The following SLC9C2 variants were observed in gnomAD, a reference collection of about 807,000 sequenced individuals.
SLC9C2 encodes the protein sodium/hydrogen exchanger 11.
In SLC9C2, 75 loss-of-function variants were observed where a neutral mutation model predicts 140.2. The observed-to-expected ratio is 0.53, with a 90% confidence interval of 0.44 to 0.65. The LOEUF is 0.65. Ranked by LOEUF, SLC9C2 falls within the 30% of genes least tolerant of loss-of-function variation. The probability of loss-of-function intolerance (pLI) is 0.00; values close to 1 mark genes in which losing one functional copy is unlikely to be tolerated. For missense variants in SLC9C2, 1,074 were observed against 1,331.8 expected (o/e 0.81, Z 3.01); for synonymous variants, 375 against 420.9 (o/e 0.89, Z 1.34).
At chr1:173,538,637 T>G (rs191113273) in intron 13 of SLC9C2, among the ~76,000 whole-genome samples, 1 of 152,058 alleles carries the variant, frequency 6.6e-6, no homozygotes, top group African/African-American at 2.4e-5. Flanking sequence ...AGAGTTTCTC[T>G]TGGAGGAGAT....
At chr1:173,584,882 T>C (rs997122292) in intron 5 of SLC9C2, among the ~76,000 whole-genome samples, 1 of 152,294 alleles carries the variant, frequency 6.6e-6, no homozygotes, top group African/African-American at 2.4e-5. Context: ...CAGTTTCTAT[T>C]GCTACATCTT....
rs149816903 is a variant in SLC9C2 at position 173,538,072 on chromosome 1, C to T, written c.1558-1033G>A. On this transcript the variant is annotated intron_variant, in intron 13 of 27. Coordinates refer to ENST00000367714, the MANE Select transcript of SLC9C2 (RefSeq NM_178527.4). ...ACCACTTATATCTCAAGACAATTCT[C>T]ATTCACTCATTAGCTCCTTTTCCAG... is the stretch of plus-strand genomic sequence containing the variant. Among the ~76,000 whole-genome samples, 48 of 152,318 alleles carry T rather than the reference C, an allele frequency of 3.2e-4. No homozygotes were observed. In the Middle Eastern group the frequency reaches 0.01, roughly 32 times the overall value.
At position 173,526,294 on chromosome 1, in the gene SLC9C2, T is replaced by C. The variant is rs568350551; in HGVS notation, c.2365+369A>G. The stretch of plus-strand genomic sequence containing the variant: ...AAAACAAAACAATGAAACAAAACCA[T>C]TTTGTCAAAGGTAACCTTCACATGT... On this transcript the variant is annotated intron_variant, in intron 19 of 27. Coordinates refer to ENST00000367714, the MANE Select transcript of SLC9C2 (RefSeq NM_178527.4). 4.5e-4 allele frequency among the ~76,000 whole-genome samples: 69 copies of C among 152,316 alleles called. 1 individual carries two copies. Among genetic ancestry groups the C allele is most frequent in the African/African-American group, 1.6e-3 (68 of 41,568 alleles).
chr1:173,508,924 T>G (rs931234179), intron 24 of SLC9C2, among the ~76,000 whole-genome samples: 7 of 152,080 alleles, frequency 4.6e-5, no homozygotes, highest in Non-Finnish European at 7.3e-5. Flanking sequence ...ATCGGCAGAG[T>G]AGGCAATAAT....
chr1:173,504,929 C>G (rs16846029), intron 26 of SLC9C2, among the ~76,000 whole-genome samples: 8,580 of 152,268 alleles, frequency 0.056, 841 homozygotes, highest in African/African-American at 0.2. Flanking sequence ...GTTCCCTCCC[C>G]ATTCTTGCAC....
intron 26 of SLC9C2, 74 bp downstream of exon 26, chr1:173,505,173 A>T: frequency 1.6e-6 from 2 of 1,247,058 alleles, no homozygotes; most frequent in Non-Finnish European, 2.3e-6. Context: ...TCACTTTCTT[A>T]GAGTTAAAGG....
At chr1:173,530,873 G>A (rs956902087) in intron 17 of SLC9C2, among the ~76,000 whole-genome samples, 9 of 152,140 alleles carry the variant, frequency 5.9e-5, no homozygotes, top group African/African-American at 2.2e-4. Flanking sequence ...GCATCATAGT[G>A]AAGGAATTCC....
chr1:173,584,410 T>C (rs1387774939), intron 5 of SLC9C2, among the ~76,000 whole-genome samples: 1 of 152,164 alleles, frequency 6.6e-6, no homozygotes, highest in Non-Finnish European at 1.5e-5. Context: ...TAGAAGACTT[T>C]TAACAATTTT....
At chr1:173,550,432 A>ATTTTT (rs1294841800) in intron 11 of SLC9C2, among the ~76,000 whole-genome samples, 4 of 121,704 alleles carry the variant, frequency 3.3e-5, no homozygotes, top group African/African-American at 1.6e-4. Flanking sequence ...TTATTTATTT[A>ATTTTT]TTTATTTATT....
At position 173,520,649 on chromosome 1, in the gene SLC9C2, A is replaced by T. The variant is rs115410770; in HGVS notation, c.2739+652T>A. 9.5e-3 allele frequency among the ~76,000 whole-genome samples: 1,447 copies of T among 152,312 alleles called. 25 individuals carry two copies. The highest frequency in any genetic ancestry group is 0.033 in the African/African-American group (1,389 of 41,554). On this transcript the variant is annotated intron_variant, in intron 22 of 27. Transcript: ENST00000367714. ...CTTAGAATAGTGCCAGATAGTAAAT[A>T]AGTGTTATATTGTGTTAGTATTCTA...
At chr1:173,532,789 G>A (rs568327670) in intron 17 of SLC9C2, among the ~76,000 whole-genome samples, 5 of 152,122 alleles carry the variant, frequency 3.3e-5, no homozygotes, top group Middle Eastern at 3.2e-3. Flanking sequence ...GTTCATGCCT[G>A]TAATCCCAGC....
At chr1:173,601,624 G>C in intron 2 of SLC9C2, 26 bp downstream of exon 2, 9 of 1,610,622 alleles carry the variant, frequency 5.6e-6, no homozygotes, top group Non-Finnish European at 7.6e-6. Context: ...GCAGAGGAAA[G>C]ATGAGTTTCA....
At chr1:173,522,210 A>G (rs1660877253) in intron 21 of SLC9C2, among the ~76,000 whole-genome samples, 1 of 126,026 alleles carries the variant, frequency 7.9e-6, no homozygotes, top group Admixed American at 8.2e-5. Flanking sequence ...CGACAGAGTG[A>G]GACTCCATCT....
chr1:173,572,207 T>C (rs766002738), intron 9 of SLC9C2, among the ~76,000 whole-genome samples: 6 of 152,182 alleles, frequency 3.9e-5, no homozygotes, highest in Non-Finnish European at 8.8e-5. Context: ...ATGACTAACT[T>C]AAAAACTGTT....
Position 173,529,913 on chromosome 1 carries a change from T to C in SLC9C2, c.2305A>G (p.Ile769Val), listed in dbSNP as rs747422241. 1.2e-6 allele frequency: 2 copies of C among 1,608,038 alleles called. No homozygotes were observed. Among genetic ancestry groups the C allele is most frequent in the Non-Finnish European group, 1.7e-6 (2 of 1,178,566 alleles). The change falls in exon 18 of 28, where the codon ATA (isoleucine) becomes GTA (valine). Residue 769 changes from isoleucine (I) to valine (V), a missense_variant. Coordinates refer to ENST00000367714, the MANE Select transcript of SLC9C2 (RefSeq NM_178527.4). ...CAGTGCTTGTTTCTCACCTGATATA[T>C]TGATTCACAGACAGCTATTTGTTTT... ...LIKQIAVCES[I>V]YQKLCEILET... is the part of the protein sequence containing the mutation.
chr1:173,598,178 C>T, intron 3 of SLC9C2, 146 bp from the exon 4 acceptor site: 1 of 804,940 alleles, frequency 1.2e-6, no homozygotes, highest in South Asian at 1.8e-5. Flanking sequence ...TCCTAAGGGT[C>T]CTGTGGTAGA....
Position 173,524,114 on chromosome 1 carries a change from A to T in SLC9C2, c.2515-20T>A. 6.3e-7 allele frequency: 1 copy of T among 1,593,114 alleles called. No homozygotes were observed. The highest frequency in any genetic ancestry group is 8.5e-7 in the Non-Finnish European group (1 of 1,170,496). ...AAGTACCTAAAAACAAATAATCAAA[A>T]TAATGGGGATCAGATCCTGTAACAG... On this transcript the variant is annotated intron_variant, in intron 20 of 27. Transcript: ENST00000367714.
In SLC9C2 at chr1:173,587,713, G is replaced by A; in HGVS notation, c.475C>T (p.Leu159Phe). The change falls in exon 5 of 28, where the codon CTT becomes TTT. Residue 159 changes from leucine (L) to phenylalanine (F), a missense_variant. Coordinates refer to ENST00000367714, the MANE Select transcript of SLC9C2 (RefSeq NM_178527.4). Reference protein sequence around the residue: ...LQSCLLFSITLGIIDPLRSVN... With the variant: ...LQSCLLFSITFGIIDPLRSVN... ...GAACGAAGAGGATCTATAATGCCAA[G>A]GGTGATGCTAAAGAGTAGGCAAGAT... 1 of 1,613,444 alleles carries A rather than the reference G, an allele frequency of 6.2e-7. No homozygotes were observed. The highest frequency in any genetic ancestry group is 1.1e-5 in the South Asian group (1 of 91,020).
intron 23 of SLC9C2, among the ~76,000 whole-genome samples, chr1:173,511,995 T>C (rs1445144298): frequency 1.3e-5 from 2 of 152,216 alleles, no homozygotes; most frequent in East Asian, 3.8e-4. Flanking sequence ...GCCTCTGTTC[T>C]GTTCCATTGG....
Sources: gnomAD v4.1 joint callset for allele counts (sites outside exome capture counted in the v4.1 genomes callset) on GRCh38, gnomAD v4.1.1 for gene constraint, MANE v1.5 for transcripts, NCBI Gene and HGNC (gene_info 2026-07-23, HGNC 2026-07-21) for gene names.